The following ADAM9 variants were observed in gnomAD, a reference collection of about 807,000 sequenced individuals.
The protein encoded by ADAM9 is disintegrin and metalloproteinase domain-containing protein 9.
In ADAM9, 54 loss-of-function variants were observed where a neutral mutation model predicts 108.1. The ratio of observed to expected loss-of-function variants is 0.50; its 90% CI spans 0.40 to 0.63. The LOEUF is 0.63. Among genes scored for constraint, ADAM9 ranks in the 20% least tolerant of loss-of-function variants. The probability of loss-of-function intolerance (pLI) is 0.00; values close to 1 mark genes in which losing one functional copy is unlikely to be tolerated. For missense variants in ADAM9, 830 were observed against 997.7 expected, an observed-to-expected ratio of 0.83 and a Z score of 2.26; for synonymous variants, 316 against 336.0, an observed-to-expected ratio of 0.94 and a Z score of 0.65.
chr8:39,015,937 G>A (rs1836511123), intron 4 of ADAM9, 181 bp from the exon 5 acceptor site: 1 of 616,380 alleles, frequency 1.6e-6, no homozygotes, highest in Non-Finnish European at 2.9e-6. Context: ...AGGGTGGTAG[G>A]AGATAGTCCG....
intron 12 of ADAM9, among the ~76,000 whole-genome samples, chr8:39,045,570 G>A (rs112004913): frequency 0.2 from 19,354 of 94,840 alleles, 2,839 homozygotes; most frequent in African/African-American, 0.46. Context: ...GTGTGTGTGT[G>A]TATATATATA....
At chr8:39,094,104 G>A (rs747085678) in intron 20 of ADAM9, among the ~76,000 whole-genome samples, 31 of 152,200 alleles carry the variant, frequency 2.0e-4, no homozygotes, top group Non-Finnish European at 3.4e-4. Flanking sequence ...TTTGTTGAGA[G>A]TTTTTATCAT....
In ADAM9 at chr8:39,104,440, G is replaced by A. The variant is rs117938349; in HGVS notation, c.*740G>A. ...TGAATCATGTGAAAGCATGACATTC[G>A]TTCACAATAGCACTATTTTAAATAA... On this transcript the variant is annotated 3_prime_UTR_variant, in exon 22 of 22. Coordinates refer to ENST00000487273, the MANE Select transcript of ADAM9 (RefSeq NM_003816.3). 1.3e-3 allele frequency: 545 copies of A among 423,210 alleles called. 4 individuals are homozygous for A. Among genetic ancestry groups the A allele is most frequent in the South Asian group, 2.0e-3 (116 of 57,776 alleles). The allele number at this position is 423,210 out of a possible 1,614,324, so 26.2% of individuals were successfully genotyped here.
Position 39,101,895 on chromosome 8 carries a change from C to G in ADAM9, c.2331C>G (p.Thr777=), listed in dbSNP as rs751291455. The G allele has an allele frequency of 6.2e-7, 1 of 1,613,672 alleles. No individual in the cohort carries two copies. Among genetic ancestry groups the G allele is most frequent in the South Asian group, 1.1e-5 (1 of 91,062 alleles). ...PIYANRFAVP[T]YAAKQPQQFP... ...ATGCAAACAGATTTGCAGTACCAAC[C>G]TATGCAGCCAAGCAACCTCAGCAGT... Residue 777 remains threonine (T), a synonymous_variant, in exon 21 of 22, where the codon ACC becomes ACG. Coordinates refer to ENST00000487273, the MANE Select transcript of ADAM9 (RefSeq NM_003816.3).
chr8:39,060,238 A>G (rs779382261), intron 14 of ADAM9, among the ~76,000 whole-genome samples: 1 of 152,218 alleles, frequency 6.6e-6, no homozygotes, highest in Non-Finnish European at 1.5e-5. Context: ...CCTGCACTGC[A>G]CCTGACCTAT....
rs1354405305 is a variant in ADAM9 at position 39,104,098 on chromosome 8, C to T, written c.*398C>T. ...CTTAGTTATCATTAATGTAGTTCCT[C>T]ATTGAACATGTGATAATCTAATACC... On this transcript the variant is annotated 3_prime_UTR_variant, in exon 22 of 22. Coordinates refer to ENST00000487273, the MANE Select transcript of ADAM9 (RefSeq NM_003816.3). 3 of 457,706 alleles carry T rather than the reference C, an allele frequency of 6.6e-6. No homozygotes were observed. Among genetic ancestry groups the T allele is most frequent in the South Asian group, 1.6e-5 (1 of 64,482 alleles). 28.4% of individuals were successfully genotyped at this position (457,706 alleles called of 1,614,324 possible). A position where few individuals can be genotyped will look rare whatever the true frequency, so the allele number is the denominator to read the frequency against.
intron 11 of ADAM9, among the ~76,000 whole-genome samples, chr8:39,039,822 C>T (rs1397180966): frequency 2.6e-5 from 4 of 152,142 alleles, no homozygotes; most frequent in African/African-American, 9.7e-5. Context: ...TTGGCTAATG[C>T]TGCACTGAAA....
Position 39,045,042 on chromosome 8 carries a change from GTA to G in ADAM9, c.1302+2927_1302+2928del, listed in dbSNP as rs1346936593. 9.1e-5 allele frequency among the ~76,000 whole-genome samples: 5 copies of G among 54,936 alleles called. 2 individuals carry two copies. Among genetic ancestry groups the G allele is most frequent in the South Asian group, 4.4e-4 (1 of 2,254 alleles). The allele number at this position is 54,936 out of a possible 152,430, so 36.0% of individuals were successfully genotyped here. Reference sequence around the variant, plus strand: ...TATGTGTGTGTGCATACATACATATGTATGTGTATGTGTGTGTGCATACATAC... The same window carrying G: ...TATGTGTGTGTGCATACATACATATGTGTGTATGTGTGTGTGCATACATAC... On this transcript the variant is annotated intron_variant, in intron 12 of 21. Coordinates refer to ENST00000487273, the MANE Select transcript of ADAM9 (RefSeq NM_003816.3).
At chr8:39,094,483 G>GT (rs1839441798) in intron 20 of ADAM9, among the ~76,000 whole-genome samples, 6 of 152,188 alleles carry the variant, frequency 3.9e-5, no homozygotes, top group Admixed American at 3.9e-4. Flanking sequence ...GTTGGGAAGA[G>GT]TTTGAGAAGG....
At chr8:39,084,064 T>G (rs1223947710) in intron 18 of ADAM9, among the ~76,000 whole-genome samples, 1 of 152,230 alleles carries the variant, frequency 6.6e-6, no homozygotes, top group African/African-American at 2.4e-5. Context: ...GGTTTTAATT[T>G]GCATTTCTCT....
intron 21 of ADAM9, among the ~76,000 whole-genome samples, chr8:39,103,021 G>A (rs1839748193): frequency 6.6e-6 from 1 of 152,198 alleles, no homozygotes; most frequent in Non-Finnish European, 1.5e-5. Context: ...TGAGGATCAG[G>A]GAAAGAGTAT....
chr8:39,048,773 TTTA>T (rs1837856694), intron 12 of ADAM9, among the ~76,000 whole-genome samples: 1 of 152,164 alleles, frequency 6.6e-6, no homozygotes, highest in South Asian at 2.1e-4. Context: ...TGCATATATA[TTTA>T]TTATTGTTAT....
chr8:39,103,494 C>T, intron 21 of ADAM9, 113 bp from the exon 22 acceptor site: 1 of 1,025,136 alleles, frequency 9.8e-7, no homozygotes, highest in Non-Finnish European at 1.5e-6. Flanking sequence ...ATGTACAGTA[C>T]CCTTTCCTGT....
At chr8:39,027,220 G>A (rs1436054536) in intron 11 of ADAM9, among the ~76,000 whole-genome samples, 1 of 152,186 alleles carries the variant, frequency 6.6e-6, no homozygotes, top group African/African-American at 2.4e-5. Context: ...GGATTACACT[G>A]AAGGACTGCA....
At chr8:39,010,951 G>A (rs889654493) in intron 2 of ADAM9, among the ~76,000 whole-genome samples, 12 of 151,946 alleles carry the variant, frequency 7.9e-5, no homozygotes, top group African/African-American at 2.9e-4. Context: ...AAATTAGCCG[G>A]GTGTGTTGGT....
rs755637586 is a variant in ADAM9, at chr8:38,996,974, G to C, written c.-90G>C. The C allele has an allele frequency of 2.6e-6, 4 of 1,528,618 alleles. No individual in the cohort carries two copies. The South Asian group carries it at 4.7e-5, about 18-fold the overall frequency. The allele number at this position is 1,528,618 out of a possible 1,614,324, so 94.7% of individuals were successfully genotyped here. On this transcript the variant is annotated 5_prime_UTR_variant, in exon 1 of 22. Coordinates refer to ENST00000487273, the MANE Select transcript of ADAM9 (RefSeq NM_003816.3). Reference sequence around the variant, plus strand: ...GTCGGGCGCGCGCGCTTCCCGGCCAGACTTGGGGCCCCGGCAGGGTTGGAA... The same window carrying C: ...GTCGGGCGCGCGCGCTTCCCGGCCACACTTGGGGCCCCGGCAGGGTTGGAA...
chr8:39,038,635 A>G (rs1049225297), intron 11 of ADAM9, among the ~76,000 whole-genome samples: 14 of 152,214 alleles, frequency 9.2e-5, no homozygotes, highest in African/African-American at 2.4e-4. Context: ...TTTGTCTGCT[A>G]TGTTCACAGT....
chr8:39,035,068 C>G (rs1301929763), intron 11 of ADAM9, among the ~76,000 whole-genome samples: 1 of 152,162 alleles, frequency 6.6e-6, no homozygotes, highest in Non-Finnish European at 1.5e-5. Flanking sequence ...CTCTGTGATT[C>G]TAGTGAACTG....
chr8:39,089,897 T>G (rs750938537), intron 18 of ADAM9, 150 bp from the exon 19 acceptor site: 2 of 847,548 alleles, frequency 2.4e-6, no homozygotes, highest in East Asian at 5.1e-5. Context: ...CGGACAGGAA[T>G]GAACTTTGTG....
Sources: gnomAD v4.1 joint callset for allele counts (sites outside exome capture counted in the v4.1 genomes callset) on GRCh38, gnomAD v4.1.1 for gene constraint, MANE v1.5 for transcripts, NCBI Gene and HGNC (gene_info 2026-07-23, HGNC 2026-07-21) for gene names.